The following KATNAL2 variants were observed in gnomAD, a reference collection of about 807,000 sequenced individuals.
KATNAL2 encodes katanin catalytic subunit A1 like 2.
A neutral mutation model predicts 76.3 loss-of-function variants in KATNAL2; 52 were observed. The ratio of observed to expected loss-of-function variants is 0.68; its 90% confidence interval spans 0.55 to 0.86. The LOEUF (loss-of-function observed/expected upper bound fraction) is 0.86, where lower values mean the gene tolerates loss of function less well. KATNAL2 is among the 40% of genes least tolerant of loss of function. KATNAL2 has a pLI of 0.00. For missense variants in KATNAL2, 660 were observed against 668.9 expected, an observed-to-expected ratio of 0.99 and a Z score of 0.15; for synonymous variants, 243 against 244.2, an observed-to-expected ratio of 1.00 and a Z score of 0.05.
chr18:46,952,588 C>T (rs1443309734), intron 3 of KATNAL2, among the ~76,000 whole-genome samples: 7 of 151,902 alleles, frequency 4.6e-5, no homozygotes, highest in South Asian at 2.1e-4. Context: ...TTAGTAGAGA[C>T]GGAAGTTTAA....
In KATNAL2 at chr18:47,062,984, G is replaced by A; in HGVS notation, c.562G>A (p.Asp188Asn). Residue 188 changes from aspartate (D) to asparagine (N), a missense_variant, in exon 9 of 18, where the codon GAC becomes AAC. By Grantham distance (23) the Asp-to-Asn change is conservative (BLOSUM62 1). Coordinates refer to ENST00000683218, the MANE Select transcript of KATNAL2 (RefSeq NM_001387690.1). ...NAHPRRGQII[D>N]FQGLLTDAIK... is the part of the protein sequence containing the mutation. ...TCCTCCCTTTCAGGGCCAAATCATT[G>A]ACTTCCAAGGGCTGCTCACAGATGC... The A allele has an allele frequency of 2.5e-6, 4 of 1,613,870 alleles. No homozygotes were observed. Among genetic ancestry groups the A allele is most frequent in the Non-Finnish European group, 3.4e-6 (4 of 1,179,886 alleles).
intron 6 of KATNAL2, among the ~76,000 whole-genome samples, chr18:47,055,686 T>G (rs1226654963): frequency 1.3e-5 from 2 of 152,272 alleles, no homozygotes; most frequent in Non-Finnish European, 2.9e-5. Flanking sequence ...AAATGATAAC[T>G]GCTTGTGCAT....
chr18:47,063,076 T>C lies in KATNAL2; in HGVS notation c.648+6T>C. ...ACCATAATCCAGACCCCTCAGTAAG[T>C]GGCGAAGATGTGACATTCATCTTTC... On this transcript the variant is annotated splice_donor_region_variant and intron_variant, in intron 9 of 17. Coordinates refer to ENST00000683218, the MANE Select transcript of KATNAL2 (RefSeq NM_001387690.1). 1 of 1,610,076 alleles carries C rather than the reference T, an allele frequency of 6.2e-7. No homozygotes were observed. Among genetic ancestry groups the C allele is most frequent in the Non-Finnish European group, 8.5e-7 (1 of 1,176,588 alleles).
chr18:47,031,393 G>A (rs999151900), intron 3 of KATNAL2, among the ~76,000 whole-genome samples: 6 of 151,674 alleles, frequency 4.0e-5, no homozygotes, highest in East Asian at 1.9e-4. Context: ...TTAATTTCTC[G>A]TGTGACTTTT....
intron 1 of KATNAL2, among the ~76,000 whole-genome samples, chr18:46,943,221 A>G (rs2059296338): frequency 6.6e-6 from 1 of 152,182 alleles, no homozygotes; most frequent in South Asian, 2.1e-4. Flanking sequence ...ACAAATTTCT[A>G]GAATTTTTTT....
intron 1 of KATNAL2, among the ~76,000 whole-genome samples, chr18:46,930,799 T>A (rs2058885261): frequency 6.8e-6 from 1 of 147,552 alleles, no homozygotes; most frequent in South Asian, 2.1e-4. Context: ...AGAGTGAGAC[T>A]CCATGTTAAA....
intron 1 of KATNAL2, among the ~76,000 whole-genome samples, chr18:46,922,815 A>C (rs1192435268): frequency 6.6e-6 from 1 of 151,158 alleles, no homozygotes; most frequent in East Asian, 1.9e-4. Flanking sequence ...AATAAATAAT[A>C]AAAAGTTGAA....
intron 1 of KATNAL2, among the ~76,000 whole-genome samples, chr18:46,922,837 G>A (rs949581801): frequency 2.0e-5 from 3 of 149,728 alleles, no homozygotes; most frequent in Non-Finnish European, 4.4e-5. Context: ...CATAAACTTC[G>A]AAAGCATAGC....
chr18:46,950,714 C>T (rs986509326), intron 3 of KATNAL2, among the ~76,000 whole-genome samples: 5 of 152,120 alleles, frequency 3.3e-5, no homozygotes, highest in African/African-American at 1.2e-4. Flanking sequence ...GACAGAGTTT[C>T]ACTCTTGATG....
chr18:47,101,775 G>T lies in KATNAL2; in HGVS notation c.*770G>T, dbSNP rs1474344677. On this transcript the variant is annotated 3_prime_UTR_variant, in exon 18 of 18. Coordinates refer to ENST00000683218, the MANE Select transcript of KATNAL2 (RefSeq NM_001387690.1). ...CTCATCAGATCCAAAGCTTAGGATGGGGCACCTAAGCTTCGAGAACATTCA... is the reference window on the plus strand; with the variant it reads ...CTCATCAGATCCAAAGCTTAGGATGTGGCACCTAAGCTTCGAGAACATTCA... 1 of 152,118 alleles carries T rather than the reference G, an allele frequency of 6.6e-6. No homozygotes were observed. Among genetic ancestry groups the T allele is most frequent in the African/African-American group, 2.4e-5 (1 of 41,354 alleles). The allele number at this position is 152,118 out of a possible 1,614,324, so 9.4% of individuals were successfully genotyped here.
At chr18:46,948,235 C>T (rs1289441864) in intron 3 of KATNAL2, among the ~76,000 whole-genome samples, 3 of 151,964 alleles carry the variant, frequency 2.0e-5, no homozygotes, top group Admixed American at 6.6e-5. Context: ...CTCAGCCTCC[C>T]GAGTAGCTGG....
Position 47,099,421 on chromosome 18 carries a change from G to A in KATNAL2, c.1374+16G>A, listed in dbSNP as rs117983536. Reference sequence around the variant, plus strand: ...GCTGAGCCAGGTCAGCTGCCCTGGAGAGGGGCACATGTAGGTCAAGGGCCC... The same window carrying A: ...GCTGAGCCAGGTCAGCTGCCCTGGAAAGGGGCACATGTAGGTCAAGGGCCC... On this transcript the variant is annotated intron_variant, in intron 16 of 17. Transcript: ENST00000683218. The A allele has an allele frequency of 6.3e-6, 10 of 1,599,740 alleles. No individual in the cohort carries two copies. The East Asian group carries it at 1.6e-4, about 25-fold the overall frequency.
In KATNAL2 at chr18:47,069,283, G is replaced by C; in HGVS notation, c.889G>C (p.Gly297Arg). The C allele has an allele frequency of 6.2e-7, 1 of 1,607,086 alleles. No individual in the cohort carries two copies. The highest frequency in any genetic ancestry group is 1.1e-5 in the South Asian group (1 of 90,306). The change falls in exon 12 of 18, where the codon GGT becomes CGT. Residue 297 changes from glycine to arginine, a missense_variant and splice_region_variant. Transcript: ENST00000683218. The stretch of plus-strand genomic sequence containing the variant: ...AGGACTACTGCTGTACGGCCCTCCA[G>C]GTAAACACAGCTTCCTATTTTGATG... ...WKGLLLYGPP[G>R]TGKTLLAKAV...
At position 47,075,281 on chromosome 18, in the gene KATNAL2, T is replaced by C. The variant is rs1034748818; in HGVS notation, c.1013T>C (p.Leu338Ser). ...GCTTGCTTTTCCCCCACCCAGGTGT[T>C]ATTTGAGCTTGCCCGCTACCACGCC... ...RGDSEKLVRV[L>S]FELARYHAPS... Residue 338 changes from leucine (L) to serine (S), a missense_variant, in exon 14 of 18, where the codon TTA becomes TCA. Physicochemically the swap from Leu to Ser is moderately radical, Grantham distance 145. Transcript: ENST00000683218. The C allele has an allele frequency of 8.4e-6, 13 of 1,553,852 alleles. No homozygotes were observed. Among genetic ancestry groups the C allele is most frequent in the Non-Finnish European group, 1.0e-5 (12 of 1,156,758 alleles).
At chr18:46,960,362 G>A (rs1392870026) in intron 3 of KATNAL2, among the ~76,000 whole-genome samples, 1 of 151,900 alleles carries the variant, frequency 6.6e-6, no homozygotes, top group African/African-American at 2.4e-5. Context: ...TGGGGTGGGT[G>A]GAGGTTATAG....
intron 5 of KATNAL2, 65 bp from the exon 6 acceptor site, chr18:47,054,331 G>GA: frequency 2.1e-6 from 3 of 1,443,226 alleles, no homozygotes; most frequent in East Asian, 2.3e-5. Flanking sequence ...AAACATACCT[G>GA]AAAAAAATCA....
chr18:47,092,004 CTT>C (rs1161851875), intron 15 of KATNAL2, among the ~76,000 whole-genome samples: 4 of 152,014 alleles, frequency 2.6e-5, no homozygotes, highest in Admixed American at 1.3e-4. Context: ...CTTATTTTTT[CTT>C]TGAAATTTAC....
rs1207725872 is a variant in KATNAL2, at chr18:47,084,413, C to G, written c.1211+6952C>G. ...GGTCTTGATTGTGCCTTCACTAGAT[C>G]AACATTTTTCCAAAAGCAGTCTGCC... is the stretch of plus-strand genomic sequence containing the variant. On this transcript the variant is annotated intron_variant, in intron 15 of 17. Transcript: ENST00000683218. 5.7e-6 allele frequency: 4 copies of G among 702,574 alleles called. No homozygotes were observed. The South Asian group carries it at 5.9e-5, about 10-fold the overall frequency. The allele number at this position is 702,574 out of a possible 1,614,324, so 43.5% of individuals were successfully genotyped here. A position where few individuals can be genotyped will look rare whatever the true frequency, so the allele number is the denominator to read the frequency against.
chr18:47,095,773 A>C (rs938373876), intron 15 of KATNAL2, among the ~76,000 whole-genome samples: 4 of 152,260 alleles, frequency 2.6e-5, no homozygotes, highest in Non-Finnish European at 1.5e-5. Flanking sequence ...CAAGGGGAAC[A>C]GCATCATTCT....
Sources: allele counts gnomAD v4.1 joint callset (sites outside exome capture counted in the v4.1 genomes callset), GRCh38; gene constraint gnomAD v4.1.1; transcripts MANE v1.5; gene names NCBI Gene and HGNC (gene_info 2026-07-23, HGNC 2026-07-21).